The following GDAP1 variants were observed in gnomAD, a reference collection of about 807,000 sequenced individuals.
The protein encoded by GDAP1 is ganglioside induced differentiation associated protein 1, also known as ganglioside-induced differentiation-associated protein 1.
A neutral mutation model predicts 40.1 loss-of-function variants in GDAP1; 34 were observed. The observed-to-expected ratio is 0.85, with a 90% CI of 0.64 to 1.13. The LOEUF is 1.13. GDAP1 is among the 50% of genes most tolerant of loss of function. GDAP1 has a pLI of 0.00. For synonymous variants in GDAP1, 170 were observed against 157.4 expected (o/e 1.08, Z -0.60); for missense variants, 374 against 433.7 (o/e 0.86, Z 1.22).
rs907265956 is a variant in GDAP1, at chr8:74,399,191, G to T, written c.165+47870G>T. Among the ~76,000 whole-genome samples, 4 of 150,568 alleles carry T rather than the reference G, an allele frequency of 2.7e-5. No individual in the cohort carries two copies. In the East Asian group the frequency reaches 5.8e-4, roughly 22 times the overall value. On this transcript the variant is annotated intron_variant, in intron 2 of 2. Coordinates refer to the GDAP1 transcript ENST00000523640. ...ATCCATCTGGTCCTGGACTCTTTTT[G>T]GTTGGTAAGCTATTGATTATTCCCA...
At chr8:74,388,223 T>C (rs1810054301) in intron 2 of GDAP1, among the ~76,000 whole-genome samples, 1 of 152,106 alleles carries the variant, frequency 6.6e-6, no homozygotes, top group Non-Finnish European at 1.5e-5. Context: ...TCTGCTAGCT[T>C]TTGAATTTGT....
At chr8:74,446,725 C>T (rs1407882339) in intron 2 of GDAP1, among the ~76,000 whole-genome samples, 2 of 152,054 alleles carry the variant, frequency 1.3e-5, no homozygotes, top group African/African-American at 4.8e-5. Context: ...ATTGTTCAGT[C>T]ACAAAAATGA....
intron 2 of GDAP1, among the ~76,000 whole-genome samples, chr8:74,356,966 T>C (rs202201660): frequency 2.0e-5 from 3 of 152,074 alleles, no homozygotes; most frequent in African/African-American, 7.2e-5. Flanking sequence ...CTGCCTGCCT[T>C]GGCCTCCCAA....
At chr8:74,482,463 A>G (rs559479599) in intron 2 of GDAP1, among the ~76,000 whole-genome samples, 214 of 152,330 alleles carry the variant, frequency 1.4e-3, no homozygotes, top group African/African-American at 4.8e-3. Context: ...TGGGCAGGGC[A>G]TCAACTACTT....
At chr8:74,374,993 T>C (rs924166505) in intron 2 of GDAP1, among the ~76,000 whole-genome samples, 16 of 152,200 alleles carry the variant, frequency 1.1e-4, no homozygotes, top group Admixed American at 6.5e-5. Flanking sequence ...AATTATCTTA[T>C]GAGACCAGTA....
At chr8:74,455,992 C>A (rs149617248) in intron 2 of GDAP1, among the ~76,000 whole-genome samples, 79 of 151,982 alleles carry the variant, frequency 5.2e-4, no homozygotes, top group East Asian at 4.6e-3. Context: ...AAATATCTAT[C>A]CAAGTCTTTC....
intron 2 of GDAP1, among the ~76,000 whole-genome samples, chr8:74,454,905 T>G (rs1345542195): frequency 6.6e-6 from 1 of 151,662 alleles, no homozygotes; most frequent in Admixed American, 6.6e-5. Context: ...TCATCTTCTT[T>G]AGATAGTATG....
In GDAP1 at chr8:74,397,888, T is replaced by C. The variant is rs530865466; in HGVS notation, c.165+46567T>C. On this transcript the variant is annotated intron_variant, in intron 2 of 2. Coordinates refer to the GDAP1 transcript ENST00000523640. ...TTTAAAGTAGTTTTTTCCAATTCTGTGAAGAAAGTCATTGGTAGCTTGATG... is the reference window on the plus strand; with the variant it reads ...TTTAAAGTAGTTTTTTCCAATTCTGCGAAGAAAGTCATTGGTAGCTTGATG... Among the ~76,000 whole-genome samples, 833 of 151,860 alleles carry C rather than the reference T, an allele frequency of 5.5e-3. 3 individuals carry two copies. Among genetic ancestry groups the C allele is most frequent in the Middle Eastern group, 0.014 (4 of 294 alleles).
chr8:74,379,515 G>C (rs1326675696), intron 2 of GDAP1, among the ~76,000 whole-genome samples: 1 of 152,090 alleles, frequency 6.6e-6, no homozygotes, highest in African/African-American at 2.4e-5. Flanking sequence ...AGCTGCTGTG[G>C]TATCTTTATT....
intron 2 of GDAP1, among the ~76,000 whole-genome samples, chr8:74,381,860 A>G (rs1234783788): frequency 6.6e-6 from 1 of 151,844 alleles, no homozygotes; most frequent in African/African-American, 2.4e-5. Context: ...CTGCAGGGAT[A>G]TGTGTGAGAG....
At chr8:74,479,114 C>G (rs763096150) in intron 2 of GDAP1, among the ~76,000 whole-genome samples, 1 of 152,074 alleles carries the variant, frequency 6.6e-6, no homozygotes, top group Non-Finnish European at 1.5e-5. Flanking sequence ...AGTTAAATGC[C>G]GAAATTTTTT....
At chr8:74,390,664 G>C (rs1810094647) in intron 2 of GDAP1, among the ~76,000 whole-genome samples, 1 of 152,218 alleles carries the variant, frequency 6.6e-6, no homozygotes, top group Non-Finnish European at 1.5e-5. Context: ...TGGGGATCAG[G>C]GACCTGCTTA....
At chr8:74,433,154 G>A (rs1806048422) in intron 2 of GDAP1, among the ~76,000 whole-genome samples, 1 of 152,162 alleles carries the variant, frequency 6.6e-6, no homozygotes, top group South Asian at 2.1e-4. Flanking sequence ...TCTTTTCTCA[G>A]AGGAGCCTTT....
At chr8:74,408,530 T>G (rs1420321477) in intron 2 of GDAP1, among the ~76,000 whole-genome samples, 1 of 150,054 alleles carries the variant, frequency 6.7e-6, no homozygotes, top group East Asian at 1.9e-4. Context: ...TTTCAGGACT[T>G]AATGAAAAGG....
intron 2 of GDAP1, among the ~76,000 whole-genome samples, chr8:74,397,946 C>G (rs1406988170): frequency 6.6e-6 from 1 of 151,840 alleles, no homozygotes; most frequent in Admixed American, 6.6e-5. Flanking sequence ...TTACCTTGGA[C>G]AGTATGGCCA....
At chr8:74,437,648 C>CT (rs969585150) in intron 2 of GDAP1, among the ~76,000 whole-genome samples, 1 of 151,874 alleles carries the variant, frequency 6.6e-6, no homozygotes, top group African/African-American at 2.4e-5. Context: ...TATATAGTAT[C>CT]TTTTTTATGT....
chr8:74,378,592 A>C (rs191983113), intron 2 of GDAP1, among the ~76,000 whole-genome samples: 1 of 152,216 alleles, frequency 6.6e-6, no homozygotes, highest in Non-Finnish European at 1.5e-5. Flanking sequence ...CCATCAAACT[A>C]GCATCAATGT....
chr8:74,468,508 CA>C (rs1586844151), intron 2 of GDAP1, among the ~76,000 whole-genome samples: 1 of 150,794 alleles, frequency 6.6e-6, no homozygotes, highest in East Asian at 1.9e-4. Flanking sequence ...CACACACACA[CA>C]CACACACACA....
chr8:74,468,526 T>C (rs1037374628), intron 2 of GDAP1, among the ~76,000 whole-genome samples: 117 of 137,478 alleles, frequency 8.5e-4, no homozygotes, highest in East Asian at 3.0e-3. Flanking sequence ...CACACACACA[T>C]GAATGTGTAT....
Sources: allele counts gnomAD v4.1 joint callset (sites outside exome capture counted in the v4.1 genomes callset), GRCh38; gene constraint gnomAD v4.1.1; transcripts MANE v1.5; gene names NCBI Gene and HGNC (gene_info 2026-07-23, HGNC 2026-07-21).